Variants in ANKRD12 observed in about 807,000 individuals in gnomAD.
The protein encoded by ANKRD12 is ankyrin repeat domain-containing protein 12.
Under a neutral mutation model 183.4 loss-of-function variants are expected in ANKRD12, and 85 were observed. The ratio of observed to expected loss-of-function variants is 0.46; its 90% confidence interval spans 0.39 to 0.56. The LOEUF is 0.56. ANKRD12 is among the 20% of genes least tolerant of loss of function. ANKRD12 has a pLI of 0.00. For missense variants in ANKRD12, 2,405 were observed against 2,357.1 expected (o/e 1.02, Z -0.42); for synonymous variants, 914 against 800.2 (o/e 1.14, Z -2.40).
At chr18:9,214,292 CA>C (rs1400491577) in intron 6 of ANKRD12, among the ~76,000 whole-genome samples, 8 of 152,172 alleles carry the variant, frequency 5.3e-5, no homozygotes, top group African/African-American at 1.9e-4. Flanking sequence ...ATAGGCTATA[CA>C]TAGCACCATT....
At chr18:9,252,194 G>A (rs910977041) in intron 8 of ANKRD12, among the ~76,000 whole-genome samples, 1 of 152,168 alleles carries the variant, frequency 6.6e-6, no homozygotes, top group Non-Finnish European at 1.5e-5. Context: ...TAGAGCTCAG[G>A]ATCAGGTTGA....
intron 6 of ANKRD12, among the ~76,000 whole-genome samples, chr18:9,216,380 T>C (rs1487052873): frequency 1.3e-5 from 2 of 152,216 alleles, no homozygotes; most frequent in Non-Finnish European, 2.9e-5. Context: ...TCTAGCTTTA[T>C]TGTAAGAGTA....
In ANKRD12 at chr18:9,254,886, C is replaced by T; in HGVS notation, c.1619C>T (p.Thr540Ile). ...TCATTACATTTATTTCATATTTCCA[C>T]TGGTAAATCTCCCAAACATTCTTGT... The part of the protein sequence containing the change: ...DTSLHLFHIS[T>I]GKSPKHSCGL... Residue 540 changes from threonine to isoleucine, a missense_variant, in exon 9 of 13, where the codon ACT becomes ATT. Transcript: ENST00000262126. The T allele has an allele frequency of 1.3e-6, 2 of 1,540,892 alleles. No homozygotes were observed. Among genetic ancestry groups the T allele is most frequent in the Non-Finnish European group, 1.7e-6 (2 of 1,148,040 alleles).
intron 1 of ANKRD12, among the ~76,000 whole-genome samples, chr18:9,150,968 A>AG (rs2078666283): frequency 6.6e-6 from 1 of 152,056 alleles, no homozygotes; most frequent in Admixed American, 6.6e-5. Flanking sequence ...TGTGATTAAA[A>AG]AAAAAATGAT....
chr18:9,165,154 T>C (rs2031895831), intron 1 of ANKRD12, among the ~76,000 whole-genome samples: 1 of 152,070 alleles, frequency 6.6e-6, no homozygotes, highest in Non-Finnish European at 1.5e-5. Context: ...TTACGTGATG[T>C]CGTTTGTCTT....
Position 9,253,868 on chromosome 18 carries a change from C to T in ANKRD12, c.944-343C>T, listed in dbSNP as rs546985269. 3.3e-5 allele frequency among the ~76,000 whole-genome samples: 5 copies of T among 152,272 alleles called. No individual in the cohort carries two copies. The South Asian group carries it at 1.0e-3, about 32-fold the overall frequency. ...TTCAGCAATCCAACTGCTGGGTATA[C>T]ACCCAAAAGAAAGGAAATCAGTATA... On this transcript the variant is annotated intron_variant, in intron 8 of 12. Transcript: ENST00000262126.
At chr18:9,231,659 A>C (rs1176983854) in intron 8 of ANKRD12, among the ~76,000 whole-genome samples, 1 of 151,910 alleles carries the variant, frequency 6.6e-6, no homozygotes, top group Admixed American at 6.6e-5. Flanking sequence ...CTGTGTTTCT[A>C]CTAAAAATAC....
At chr18:9,228,269 A>AC (rs1230091338) in intron 8 of ANKRD12, among the ~76,000 whole-genome samples, 24 of 152,194 alleles carry the variant, frequency 1.6e-4, no homozygotes, top group African/African-American at 5.3e-4. Flanking sequence ...GCTGTCGGGA[A>AC]CAGAGCTACA....
chr18:9,174,747 T>C (rs2033092293), intron 1 of ANKRD12, among the ~76,000 whole-genome samples: 1 of 152,220 alleles, frequency 6.6e-6, no homozygotes, highest in Non-Finnish European at 1.5e-5. Context: ...ATTCACTTGC[T>C]GTTGTCATTC....
intron 2 of ANKRD12, among the ~76,000 whole-genome samples, chr18:9,186,871 C>T (rs1250918007): frequency 1.3e-5 from 2 of 151,558 alleles, no homozygotes; most frequent in African/African-American, 4.9e-5. Flanking sequence ...CCTGCCTCAG[C>T]CTCCCGAGTA....
intron 1 of ANKRD12, among the ~76,000 whole-genome samples, chr18:9,166,569 T>C (rs1204460300): frequency 1.3e-5 from 2 of 152,182 alleles, no homozygotes; most frequent in African/African-American, 4.8e-5. Context: ...GATGGGGTTG[T>C]TTTTTTCTTG....
rs187238982 is a variant in ANKRD12, at chr18:9,140,801, C to G, written c.-52+3836C>G. 5.7e-4 allele frequency among the ~76,000 whole-genome samples: 87 copies of G among 152,076 alleles called. No individual in the cohort carries two copies. The Middle Eastern group carries it at 0.017, about 30-fold the overall frequency. ...AGTATTGTAGTATTACATAGATTAT[C>G]GGAGTTTTTATAGTCTTGAAAATAA... On this transcript the variant is annotated intron_variant, in intron 1 of 12. Transcript: ENST00000262126.
At chr18:9,264,548 T>C (rs1218960109) in intron 10 of ANKRD12, among the ~76,000 whole-genome samples, 1 of 152,230 alleles carries the variant, frequency 6.6e-6, no homozygotes, top group African/African-American at 2.4e-5. Flanking sequence ...TCTTAATTTT[T>C]TTCCTACTGT....
intron 1 of ANKRD12, among the ~76,000 whole-genome samples, chr18:9,160,191 G>C (rs115995297): frequency 0.01 from 1,579 of 152,258 alleles, 22 homozygotes; most frequent in African/African-American, 0.036. Flanking sequence ...TCACAGCTCA[G>C]TGCAACCTCA....
At chr18:9,221,511 T>C (rs1259191409) in intron 7 of ANKRD12, among the ~76,000 whole-genome samples, 1 of 152,214 alleles carries the variant, frequency 6.6e-6, no homozygotes, top group Non-Finnish European at 1.5e-5. Flanking sequence ...TTCTTGTTCA[T>C]GGGTTTATTA....
chr18:9,257,109 T>G lies in ANKRD12; in HGVS notation c.3842T>G (p.Leu1281Arg), dbSNP rs1229795352. ...ATTAAACCACCATATGCAAACAGAC[T>G]TTCAACATCCCATCTTAGGTCATCT... ...ERIKPPYANR[L>R]STSHLRSSSV... Residue 1281 changes from leucine to arginine, a missense_variant, in exon 9 of 13, where the codon CTT becomes CGT. Physicochemically the swap from Leu to Arg is moderately radical, Grantham distance 102. Transcript: ENST00000262126. 1 of 1,614,124 alleles carries G rather than the reference T, an allele frequency of 6.2e-7. No homozygotes were observed. The highest frequency in any genetic ancestry group is 8.5e-7 in the Non-Finnish European group (1 of 1,180,004).
chr18:9,190,456 T>A (rs1278796925), intron 2 of ANKRD12, among the ~76,000 whole-genome samples: 6 of 152,244 alleles, frequency 3.9e-5, no homozygotes, highest in Non-Finnish European at 8.8e-5. Flanking sequence ...TAATTTAGTA[T>A]ATTACATAAA....
At chr18:9,232,264 A>G (rs1314761247) in intron 8 of ANKRD12, among the ~76,000 whole-genome samples, 1 of 152,014 alleles carries the variant, frequency 6.6e-6, no homozygotes. Flanking sequence ...TTGTTCTTTC[A>G]CTGCCAGGTT....
rs186953943 is a variant in ANKRD12, at chr18:9,197,984, T to C, written c.235+2286T>C. Among the ~76,000 whole-genome samples, 16 of 152,362 alleles carry C rather than the reference T, an allele frequency of 1.1e-4. 1 individual carries two copies. Among genetic ancestry groups the C allele is most frequent in the African/African-American group, 3.6e-4 (15 of 41,592 alleles). ...GTGAAAACATTAAGGAGGATTTCCC[T>C]AGTCCCAGTACAAAATGTGTTATTT... On this transcript the variant is annotated intron_variant, in intron 3 of 12. Transcript: ENST00000262126.
Sources: allele counts gnomAD v4.1 joint callset (sites outside exome capture counted in the v4.1 genomes callset), GRCh38; gene constraint gnomAD v4.1.1; transcripts MANE v1.5; gene names NCBI Gene and HGNC (gene_info 2026-07-23, HGNC 2026-07-21).